The following GRM5 variants were observed in gnomAD, a reference collection of about 807,000 sequenced individuals.
GRM5 encodes the protein glutamate metabotropic receptor 5, also known as metabotropic glutamate receptor 5.
In GRM5, 19 loss-of-function variants were observed where a neutral mutation model predicts 83.1. The ratio of observed to expected loss-of-function variants is 0.23; its 90% CI spans 0.16 to 0.34. The LOEUF is 0.34. Ranked by LOEUF, GRM5 falls within the 10% of genes least tolerant of loss-of-function variation. The pLI, the probability that GRM5 is intolerant of heterozygous loss-of-function variation, is 1.00. For missense variants in GRM5, 1,160 were observed against 1,588.3 expected (o/e 0.73, Z 4.58); for synonymous variants, 675 against 633.6 (o/e 1.07, Z -0.98).
At chr11:88,714,610 CT>C (rs1351647104) in intron 3 of GRM5, among the ~76,000 whole-genome samples, 1 of 151,834 alleles carries the variant, frequency 6.6e-6, no homozygotes, top group Non-Finnish European at 1.5e-5. Context: ...TGATTATTTC[CT>C]AGATGGTAAT....
In GRM5 at chr11:88,509,234, C is replaced by A; in HGVS notation, c.2997G>T (p.Ala999=). 1.3e-6 allele frequency: 2 copies of A among 1,502,368 alleles called. No individual in the cohort carries two copies. The highest frequency in any genetic ancestry group is 1.3e-5 in the South Asian group (1 of 79,652). The allele number at this position is 1,502,368 out of a possible 1,614,324, so 93.1% of individuals were successfully genotyped here. A position where few individuals can be genotyped will look rare whatever the true frequency, so the allele number is the denominator to read the frequency against. Residue 999 remains alanine, a synonymous_variant, in exon 10 of 10, where the codon GCG becomes GCT. Coordinates refer to ENST00000305447, the MANE Select transcript of GRM5 (RefSeq NM_001143831.3). ...CCTCAGCCTCGGCCACATCATACAGCGCCTTGGGGCCGGCGTCTGGGGACT... is the reference window on the plus strand; with the variant it reads ...CCTCAGCCTCGGCCACATCATACAGAGCCTTGGGGCCGGCGTCTGGGGACT... ...GPESPDAGPK[A]LYDVAEAEEH...
chr11:88,879,038 G>C (rs528488362), intron 2 of GRM5, among the ~76,000 whole-genome samples: 1 of 152,200 alleles, frequency 6.6e-6, no homozygotes, highest in South Asian at 2.1e-4. Flanking sequence ...GCAATAAAGA[G>C]AGAATTTTTT....
At chr11:88,593,699 G>A (rs1276803373) in intron 6 of GRM5, among the ~76,000 whole-genome samples, 1 of 149,960 alleles carries the variant, frequency 6.7e-6, no homozygotes, top group Non-Finnish European at 1.5e-5. Flanking sequence ...AAAAAATTCT[G>A]CATGTGGAAG....
intron 3 of GRM5, among the ~76,000 whole-genome samples, chr11:88,824,731 C>G (rs970348667): frequency 6.6e-6 from 1 of 152,146 alleles, no homozygotes; most frequent in East Asian, 1.9e-4. Context: ...TGCTGTGTTG[C>G]CTGGTTCCTA....
chr11:88,725,673 G>A (rs1448111438), intron 3 of GRM5, among the ~76,000 whole-genome samples: 1 of 152,076 alleles, frequency 6.6e-6, no homozygotes, highest in Non-Finnish European at 1.5e-5. Flanking sequence ...TATGGGATGA[G>A]GCTTCCAGAG....
chr11:89,057,460 C>T (rs1465658517), intron 1 of GRM5, among the ~76,000 whole-genome samples: 3 of 152,058 alleles, frequency 2.0e-5, no homozygotes, highest in African/African-American at 4.8e-5. Flanking sequence ...AAAAAAGGGC[C>T]ATAAAACACT....
Position 89,053,206 on chromosome 11 carries a change from T to A in GRM5, c.-200-5134A>T, listed in dbSNP as rs559584428. 4.5e-4 allele frequency among the ~76,000 whole-genome samples: 69 copies of A among 152,278 alleles called. 1 individual carries two copies. The highest frequency in any genetic ancestry group is 2.9e-4 in the Non-Finnish European group (20 of 68,016). On this transcript the variant is annotated intron_variant, in intron 1 of 9. Coordinates refer to ENST00000305447, the MANE Select transcript of GRM5 (RefSeq NM_001143831.3). ...TCATAGAGACACAGAAGGTACAGTG[T>A]GTAGGTTATCTAGTACAAGTGTATT...
intron 3 of GRM5, among the ~76,000 whole-genome samples, chr11:88,811,940 C>T (rs1489985382): frequency 6.6e-6 from 1 of 152,076 alleles, no homozygotes; most frequent in Admixed American, 6.6e-5. Flanking sequence ...AGGCTTTTCT[C>T]TGCAGCGTAG....
At chr11:88,915,349 AC>A (rs1434947765) in intron 2 of GRM5, among the ~76,000 whole-genome samples, 3 of 152,114 alleles carry the variant, frequency 2.0e-5, no homozygotes, top group East Asian at 1.9e-4. Context: ...GAATTGTAAG[AC>A]TTTTTTTAAT....
chr11:89,064,889 T>TCTCTCTCC (rs1942066088), intron 1 of GRM5, among the ~76,000 whole-genome samples: 1 of 58,438 alleles, frequency 1.7e-5, no homozygotes, highest in African/African-American at 8.6e-5. Context: ...TCTCTCTCTC[T>TCTCTCTCC]GTGTGTGTGT....
chr11:88,616,018 G>A (rs1029926887), intron 4 of GRM5, among the ~76,000 whole-genome samples: 2 of 152,084 alleles, frequency 1.3e-5, no homozygotes, highest in African/African-American at 4.8e-5. Flanking sequence ...TCACAGTTCT[G>A]CCATTTTCTT....
chr11:88,821,577 G>A (rs556373548), intron 3 of GRM5, among the ~76,000 whole-genome samples: 1 of 152,140 alleles, frequency 6.6e-6, no homozygotes, highest in Admixed American at 6.5e-5. Flanking sequence ...CTATTGCAAT[G>A]ATAGGTCATT....
chr11:88,676,092 C>G (rs762475419), intron 3 of GRM5, among the ~76,000 whole-genome samples: 3 of 151,924 alleles, frequency 2.0e-5, no homozygotes, highest in Non-Finnish European at 4.4e-5. Context: ...AGTATTTTAT[C>G]CTTTAGGGAA....
intron 2 of GRM5, among the ~76,000 whole-genome samples, chr11:88,953,456 A>C (rs1938521723): frequency 6.6e-6 from 1 of 152,226 alleles, no homozygotes; most frequent in African/African-American, 2.4e-5. Flanking sequence ...CAGTATCTTC[A>C]AAGAAGCAAA....
intron 3 of GRM5, among the ~76,000 whole-genome samples, chr11:88,714,332 C>A (rs1017908359): frequency 5.3e-5 from 8 of 151,824 alleles, no homozygotes; most frequent in African/African-American, 1.9e-4. Context: ...GTAAAGGCAT[C>A]CCTGATGTCA....
At chr11:88,550,760 T>G (rs1041107976) in intron 8 of GRM5, among the ~76,000 whole-genome samples, 6 of 152,206 alleles carry the variant, frequency 3.9e-5, no homozygotes, top group Admixed American at 2.6e-4. Flanking sequence ...GTTGTAATGA[T>G]GATAATTTCC....
intron 7 of GRM5, among the ~76,000 whole-genome samples, chr11:88,571,352 G>C (rs569252384): frequency 6.6e-5 from 10 of 152,218 alleles, no homozygotes; most frequent in African/African-American, 2.4e-4. Flanking sequence ...TTAAATGAAT[G>C]CTTCTTTTAT....
intron 2 of GRM5, among the ~76,000 whole-genome samples, chr11:89,038,947 A>C (rs565630979): frequency 6.6e-6 from 1 of 152,298 alleles, no homozygotes; most frequent in Non-Finnish European, 1.5e-5. Flanking sequence ...GTGTTATGAA[A>C]TAAACAAACT....
chr11:88,955,991 T>A (rs553402201), intron 2 of GRM5, among the ~76,000 whole-genome samples: 20 of 152,374 alleles, frequency 1.3e-4, no homozygotes, highest in Admixed American at 5.2e-4. Context: ...ATTATTTTTT[T>A]AAAAATTCAA....
Sources: allele counts gnomAD v4.1 joint callset (sites outside exome capture counted in the v4.1 genomes callset), GRCh38; gene constraint gnomAD v4.1.1; transcripts MANE v1.5; gene names NCBI Gene and HGNC (gene_info 2026-07-23, HGNC 2026-07-21).